FKTN: variants seen among roughly 807,000 people sequenced by gnomAD.
FKTN encodes the protein fukutin, also known as ribitol-5-phosphate transferase FKTN.
A neutral mutation model predicts 58.6 loss-of-function variants in FKTN; 47 were observed. That is an observed-to-expected ratio of 0.80 (90% confidence interval 0.63 to 1.02). FKTN has a LOEUF of 1.02. FKTN is among the 50% of genes least tolerant of loss of function. The pLI is 0.00. For missense variants in FKTN, 516 were observed against 537.3 expected, an observed-to-expected ratio of 0.96 and a Z score of 0.39; for synonymous variants, 178 against 191.9, an observed-to-expected ratio of 0.93 and a Z score of 0.60.
In FKTN at chr9:105,570,263, A is replaced by G. The variant is rs141721730; in HGVS notation, c.-180-3392A>G. Among the ~76,000 whole-genome samples the G allele has an allele frequency of 2.6e-3, 389 of 152,224 alleles. 2 individuals are homozygous for G. The highest frequency in any genetic ancestry group is 8.5e-3 in the African/African-American group (354 of 41,530). On this transcript the variant is annotated intron_variant, in intron 1 of 10. Coordinates refer to ENST00000357998, the MANE Select transcript of FKTN (RefSeq NM_001079802.2). ...GCAGTGTATTTTTAGTATACTTAGCATACTTACTATTACTTGATGTTAATT... is the reference window on the plus strand; with the variant it reads ...GCAGTGTATTTTTAGTATACTTAGCGTACTTACTATTACTTGATGTTAATT...
intron 10 of FKTN, among the ~76,000 whole-genome samples, chr9:105,622,019 C>T (rs1029787064): frequency 6.6e-6 from 1 of 151,924 alleles, no homozygotes; most frequent in Non-Finnish European, 1.5e-5. Flanking sequence ...AAGATGTTTC[C>T]CCAATTTATA....
chr9:105,616,598 G>A (rs1830859889), intron 8 of FKTN, among the ~76,000 whole-genome samples: 3 of 152,002 alleles, frequency 2.0e-5, no homozygotes, highest in Non-Finnish European at 4.4e-5. Context: ...GTGTTTATTT[G>A]TTGTCTCTTG....
chr9:105,586,672 C>A (rs892259963), intron 3 of FKTN, among the ~76,000 whole-genome samples: 4 of 152,146 alleles, frequency 2.6e-5, no homozygotes, highest in Admixed American at 2.0e-4. Context: ...TTCAGCAAGT[C>A]ACTTTGAGCA....
chr9:105,568,723 C>G (rs1214193825), intron 1 of FKTN, among the ~76,000 whole-genome samples: 2 of 152,220 alleles, frequency 1.3e-5, no homozygotes, highest in Non-Finnish European at 2.9e-5. Context: ...TTGTGGAAGA[C>G]AGTGTGGCGA....
intron 4 of FKTN, chr9:105,600,933 A>G (rs968159248): frequency 4.2e-6 from 2 of 481,606 alleles, no homozygotes; most frequent in Non-Finnish European, 7.5e-6. Flanking sequence ...TTCACCTTAT[A>G]TTGAAAATGT....
At chr9:105,606,079 A>T (rs1220853204) in intron 6 of FKTN, among the ~76,000 whole-genome samples, 8 of 152,116 alleles carry the variant, frequency 5.3e-5, no homozygotes, top group South Asian at 2.1e-4. Context: ...TACTTTTATA[A>T]AAAGTTCAAA....
intron 8 of FKTN, among the ~76,000 whole-genome samples, chr9:105,617,208 G>A (rs374134389): frequency 2.6e-5 from 4 of 152,224 alleles, no homozygotes; most frequent in East Asian, 3.9e-4. Context: ...GAAATAATTG[G>A]AATGAAATGA....
At chr9:105,589,846 C>G (rs531078649) in intron 3 of FKTN, among the ~76,000 whole-genome samples, 1 of 152,036 alleles carries the variant, frequency 6.6e-6, no homozygotes, top group South Asian at 2.1e-4. Flanking sequence ...AAAAGTCCTG[C>G]GGCAGGAATA....
intron 1 of FKTN, among the ~76,000 whole-genome samples, chr9:105,568,122 A>T (rs959589651): frequency 1.3e-5 from 2 of 152,142 alleles, no homozygotes; most frequent in Non-Finnish European, 2.9e-5. Context: ...CCTTCCTTAC[A>T]CCTTATACAA....
At chr9:105,586,304 C>A (rs564125113) in intron 3 of FKTN, among the ~76,000 whole-genome samples, 6 of 152,294 alleles carry the variant, frequency 3.9e-5, no homozygotes, top group African/African-American at 1.4e-4. Flanking sequence ...CAGAACAACC[C>A]TTCAGGTCTT....
At chr9:105,578,107 G>A (rs946159081) in intron 3 of FKTN, among the ~76,000 whole-genome samples, 92 of 151,788 alleles carry the variant, frequency 6.1e-4, no homozygotes, top group African/African-American at 1.7e-3. Context: ...CAATCATGTC[G>A]TCTGCAAACA....
At chr9:105,563,584 C>T (rs1314238446) in intron 1 of FKTN, among the ~76,000 whole-genome samples, 3 of 144,242 alleles carry the variant, frequency 2.1e-5, no homozygotes, top group Non-Finnish European at 3.0e-5. Flanking sequence ...TGAACTGCAA[C>T]GTGGCAGCGA....
intron 1 of FKTN, among the ~76,000 whole-genome samples, chr9:105,567,412 C>T (rs1839862473): frequency 1.3e-5 from 2 of 152,034 alleles, no homozygotes; most frequent in Non-Finnish European, 2.9e-5. Flanking sequence ...TTGTCTCAGC[C>T]CAAAATCTCC....
intron 5 of FKTN, chr9:105,603,800 A>C (rs1828343745): frequency 3.9e-6 from 1 of 253,634 alleles, no homozygotes; most frequent in Non-Finnish European, 7.8e-6. Flanking sequence ...CAGACCCCCA[A>C]GTAGCTGGGA....
At chr9:105,584,460 A>G (rs545041967) in intron 3 of FKTN, among the ~76,000 whole-genome samples, 5 of 152,092 alleles carry the variant, frequency 3.3e-5, no homozygotes, top group African/African-American at 1.2e-4. Context: ...TTTTATGTTT[A>G]CTTTTGATAA....
intron 3 of FKTN, among the ~76,000 whole-genome samples, chr9:105,591,446 T>C (rs1844855867): frequency 6.6e-6 from 1 of 152,228 alleles, no homozygotes; most frequent in Non-Finnish European, 1.5e-5. Context: ...ACAGGCCCCA[T>C]GCAAGCCCCA....
chr9:105,599,335 G>T (rs1827407173), intron 4 of FKTN, among the ~76,000 whole-genome samples: 2 of 151,922 alleles, frequency 1.3e-5, no homozygotes, highest in Non-Finnish European at 2.9e-5. Flanking sequence ...ATACTACTTG[G>T]TCATGATATT....
At chr9:105,580,517 G>A (rs1255100617) in intron 3 of FKTN, among the ~76,000 whole-genome samples, 1 of 118,798 alleles carries the variant, frequency 8.4e-6, no homozygotes, top group Non-Finnish European at 1.7e-5. Context: ...TGGCTTGTAG[G>A]GTTTCTGCCA....
chr9:105,626,030 A>G (rs1832695300), intron 10 of FKTN, among the ~76,000 whole-genome samples: 2 of 152,134 alleles, frequency 1.3e-5, no homozygotes, highest in Non-Finnish European at 2.9e-5. Context: ...ATTTGTGAGA[A>G]CCATCCATAT....
Sources: allele counts gnomAD v4.1 joint callset (sites outside exome capture counted in the v4.1 genomes callset), GRCh38; gene constraint gnomAD v4.1.1; transcripts MANE v1.5; gene names NCBI Gene and HGNC (gene_info 2026-07-23, HGNC 2026-07-21).